ADAMTS12: variants seen among roughly 807,000 people sequenced by gnomAD.
ADAMTS12 encodes ADAM metallopeptidase with thrombospondin type 1 motif 12.
ADAMTS12 carries 118 observed loss-of-function variants against 167.8 expected under a neutral mutation model. That is an observed-to-expected ratio of 0.70 (90% confidence interval 0.61 to 0.82). The LOEUF (loss-of-function observed/expected upper bound fraction) is 0.82. ADAMTS12 is among the 40% of genes least tolerant of loss of function. ADAMTS12 has a pLI of 0.00. For missense variants in ADAMTS12, 1,916 were observed against 1,998.8 expected (o/e 0.96, Z 0.79); for synonymous variants, 704 against 716.9 (o/e 0.98, Z 0.29).
intron 16 of ADAMTS12, among the ~76,000 whole-genome samples, chr5:33,596,894 G>A (rs1350842981): frequency 6.6e-6 from 1 of 152,144 alleles, no homozygotes; most frequent in African/African-American, 2.4e-5. Flanking sequence ...TTGATAGCAA[G>A]GATTGATAAT....
At chr5:33,680,987 C>G (rs927316916) in intron 5 of ADAMTS12, among the ~76,000 whole-genome samples, 7 of 152,214 alleles carry the variant, frequency 4.6e-5, no homozygotes, top group Non-Finnish European at 7.3e-5. Flanking sequence ...ATGTCAACAT[C>G]TAACTTTACC....
chr5:33,529,392 AT>A lies in ADAMTS12; in HGVS notation c.4607-2027del, dbSNP rs567756205. On this transcript the variant is annotated intron_variant, in intron 23 of 23. Coordinates refer to ENST00000504830, the MANE Select transcript of ADAMTS12 (RefSeq NM_030955.4). The stretch of plus-strand genomic sequence containing the variant: ...CCAGGTCTGTTAAGAATTCAATTAG[AT>A]TTTTTTTTTTCTAGAAAGTGAAGTT... 1.0e-2 allele frequency among the ~76,000 whole-genome samples: 1,481 copies of A among 148,808 alleles called. 25 individuals carry two copies. The highest frequency in any genetic ancestry group is 0.034 in the African/African-American group (1,397 of 40,714).
intron 2 of ADAMTS12, among the ~76,000 whole-genome samples, chr5:33,859,780 G>C (rs1749534337): frequency 6.6e-6 from 1 of 152,126 alleles, no homozygotes; most frequent in Admixed American, 6.5e-5. Context: ...CATCTCGTGG[G>C]TGCCCCTCTG....
chr5:33,825,536 T>C (rs2112509505), intron 2 of ADAMTS12, among the ~76,000 whole-genome samples: 1 of 152,250 alleles, frequency 6.6e-6, no homozygotes, highest in Middle Eastern at 3.4e-3. Flanking sequence ...GTGTTGCAGA[T>C]GCTACACAAA....
intron 2 of ADAMTS12, among the ~76,000 whole-genome samples, chr5:33,826,317 T>G (rs1579968608): frequency 6.6e-6 from 1 of 152,116 alleles, no homozygotes; most frequent in East Asian, 1.9e-4. Flanking sequence ...GTCTGCTCAG[T>G]GAGGGCAAAT....
chr5:33,808,077 G>A (rs1036202319), intron 2 of ADAMTS12, among the ~76,000 whole-genome samples: 2 of 152,196 alleles, frequency 1.3e-5, no homozygotes, highest in Non-Finnish European at 2.9e-5. Flanking sequence ...TCTCAAGGAA[G>A]GAGAAACAAC....
chr5:33,655,971 G>A (rs902215091), intron 7 of ADAMTS12, among the ~76,000 whole-genome samples: 12 of 151,924 alleles, frequency 7.9e-5, no homozygotes, highest in African/African-American at 2.4e-4. Context: ...ACTCAAAGAC[G>A]GTTCTCTAGT....
At chr5:33,600,332 T>C (rs1579728429) in intron 16 of ADAMTS12, among the ~76,000 whole-genome samples, 1 of 152,280 alleles carries the variant, frequency 6.6e-6, no homozygotes, top group Admixed American at 6.5e-5. Flanking sequence ...ACAGGAGTAC[T>C]CATCTTGAAT....
At chr5:33,873,445 T>C (rs1397527570) in intron 2 of ADAMTS12, among the ~76,000 whole-genome samples, 1 of 152,210 alleles carries the variant, frequency 6.6e-6, no homozygotes, top group Non-Finnish European at 1.5e-5. Context: ...AGATATTCCA[T>C]GCTAATGGAT....
intron 16 of ADAMTS12, among the ~76,000 whole-genome samples, chr5:33,600,751 C>T (rs1019923236): frequency 6.6e-6 from 1 of 152,096 alleles, no homozygotes; most frequent in Admixed American, 6.6e-5. Context: ...ACGTAAATTA[C>T]AATCCTCCCC....
intron 20 of ADAMTS12, among the ~76,000 whole-genome samples, chr5:33,553,088 C>A (rs1472570271): frequency 1.3e-5 from 2 of 152,054 alleles, no homozygotes; most frequent in South Asian, 2.1e-4. Flanking sequence ...AAAAGACATA[C>A]ACGCGGTCAA....
chr5:33,796,639 A>G (rs1746789198), intron 2 of ADAMTS12, among the ~76,000 whole-genome samples: 1 of 152,148 alleles, frequency 6.6e-6, no homozygotes, highest in Non-Finnish European at 1.5e-5. Flanking sequence ...GACACATGTC[A>G]CTTCCAGGCC....
At chr5:33,705,646 C>T (rs959571025) in intron 3 of ADAMTS12, among the ~76,000 whole-genome samples, 2 of 151,928 alleles carry the variant, frequency 1.3e-5, no homozygotes, top group African/African-American at 4.8e-5. Flanking sequence ...ACCATCTCTA[C>T]TAAAAATACA....
In ADAMTS12 at chr5:33,816,907, C is replaced by G. The variant is rs372440017; in HGVS notation, c.489+64212G>C. Among the ~76,000 whole-genome samples the G allele has an allele frequency of 7.9e-5, 12 of 152,188 alleles. No homozygotes were observed. In the South Asian group the frequency reaches 8.3e-4, roughly 11 times the overall value. On this transcript the variant is annotated intron_variant, in intron 2 of 23. Coordinates refer to ENST00000504830, the MANE Select transcript of ADAMTS12 (RefSeq NM_030955.4). ...TTTATATATTGGGTCTCTGTTGATA[C>G]TGAAACATTTCCAAACAAGTTTCCA...
intron 3 of ADAMTS12, among the ~76,000 whole-genome samples, chr5:33,732,899 C>T (rs1744240990): frequency 6.6e-6 from 1 of 151,728 alleles, no homozygotes; most frequent in Admixed American, 6.6e-5. Flanking sequence ...GATTTCATTC[C>T]ACAGTAAAGC....
chr5:33,743,211 G>A (rs1274846343), intron 3 of ADAMTS12, among the ~76,000 whole-genome samples: 1 of 152,176 alleles, frequency 6.6e-6, no homozygotes, highest in Non-Finnish European at 1.5e-5. Context: ...TGATAACAAG[G>A]GGTCACATCA....
In ADAMTS12 at chr5:33,650,324, A is replaced by AT. The variant is rs560383487; in HGVS notation, c.1191-628dup. Among the ~76,000 whole-genome samples the AT allele has an allele frequency of 4.5e-3, 693 of 152,324 alleles. 7 individuals carry two copies. Among genetic ancestry groups the AT allele is most frequent in the African/African-American group, 0.016 (659 of 41,568 alleles). ...TTGCCTCATTTTCTTCTCCTAGAAG[A>AT]TGGGGTAGTCATCCTAGTGCTACAA... On this transcript the variant is annotated intron_variant, in intron 7 of 23. Coordinates refer to ENST00000504830, the MANE Select transcript of ADAMTS12 (RefSeq NM_030955.4).
chr5:33,600,198 T>TG (rs1351423342), intron 16 of ADAMTS12, among the ~76,000 whole-genome samples: 1 of 152,246 alleles, frequency 6.6e-6, no homozygotes. Context: ...CAGATGATTC[T>TG]GAATGCCTTT....
At chr5:33,806,951 G>A (rs968939208) in intron 2 of ADAMTS12, among the ~76,000 whole-genome samples, 2 of 152,160 alleles carry the variant, frequency 1.3e-5, no homozygotes, top group African/African-American at 4.8e-5. Flanking sequence ...CCACTTGACT[G>A]CCTCTACGAT....
Sources: gnomAD v4.1 joint callset for allele counts (sites outside exome capture counted in the v4.1 genomes callset) on GRCh38, gnomAD v4.1.1 for gene constraint, MANE v1.5 for transcripts, NCBI Gene and HGNC (gene_info 2026-07-23, HGNC 2026-07-21) for gene names.